ZNF385D: variants seen among roughly 807,000 people sequenced by gnomAD.
The protein encoded by ZNF385D is zinc finger protein 385D.
Under a neutral mutation model 35.8 loss-of-function variants are expected in ZNF385D, and 15 were observed. The observed-to-expected ratio is 0.42, with a 90% confidence interval of 0.28 to 0.64. ZNF385D has a LOEUF of 0.64. ZNF385D is among the 30% of genes least tolerant of loss of function. ZNF385D has a pLI of 0.23. For missense variants in ZNF385D, 474 were observed against 494.6 expected (o/e 0.96, Z 0.39); for synonymous variants, 212 against 186.8 (o/e 1.13, Z -1.10).
chr3:22,230,536 GC>G (rs1698824960), intron 2 of ZNF385D, among the ~76,000 whole-genome samples: 1 of 152,152 alleles, frequency 6.6e-6, no homozygotes, highest in Admixed American at 6.5e-5. Flanking sequence ...ATTCCAACTA[GC>G]CCCAGACTAT....
chr3:21,636,099 G>C (rs1389132426), intron 2 of ZNF385D, among the ~76,000 whole-genome samples: 2 of 151,948 alleles, frequency 1.3e-5, no homozygotes, highest in Admixed American at 6.6e-5. Flanking sequence ...GAATCAAATA[G>C]TAGTTCTACT....
At chr3:21,795,179 T>C (rs1404524663) in intron 3 of ZNF385D, among the ~76,000 whole-genome samples, 9 of 152,218 alleles carry the variant, frequency 5.9e-5, no homozygotes, top group Non-Finnish European at 1.3e-4. Flanking sequence ...ACAACAGTAT[T>C]TGCCTGCTCT....
chr3:21,535,289 T>G (rs955331903), intron 3 of ZNF385D, among the ~76,000 whole-genome samples: 15 of 152,134 alleles, frequency 9.9e-5, no homozygotes, highest in Non-Finnish European at 4.4e-5. Context: ...CAGCTAATGG[T>G]GCCCTTCTAG....
At chr3:22,068,368 G>A (rs1402152929) in intron 3 of ZNF385D, among the ~76,000 whole-genome samples, 1 of 152,062 alleles carries the variant, frequency 6.6e-6, no homozygotes, top group Non-Finnish European at 1.5e-5. Context: ...CCCTTCATGA[G>A]CATTAAAACC....
chr3:21,791,079 A>G (rs1295982486), intron 3 of ZNF385D, among the ~76,000 whole-genome samples: 3 of 152,228 alleles, frequency 2.0e-5, no homozygotes, highest in Non-Finnish European at 4.4e-5. Flanking sequence ...ACCAGAGGTT[A>G]TAGCTCTAAA....
intron 2 of ZNF385D, among the ~76,000 whole-genome samples, chr3:22,283,425 G>C (rs150433848): frequency 1.3e-5 from 2 of 152,018 alleles, no homozygotes; most frequent in East Asian, 3.9e-4. Context: ...TCTTAAATAG[G>C]AGCACAGCAC....
intron 3 of ZNF385D, among the ~76,000 whole-genome samples, chr3:22,078,357 A>T (rs1297923299): frequency 3.3e-5 from 5 of 152,068 alleles, no homozygotes; most frequent in Non-Finnish European, 7.4e-5. Context: ...GGTGATCATA[A>T]CAGATAATGT....
rs11916340 is a variant in ZNF385D at position 21,747,569 on chromosome 3, T to A, written c.22+3326A>T. On this transcript the variant is annotated intron_variant, in intron 1 of 7. Coordinates refer to ENST00000281523, the MANE Select transcript of ZNF385D (RefSeq NM_024697.3). ...ATGACCACTGGCAACGACTCACCTA[T>A]CCAGCAGTGGAGAAATGTGTCAGGC... is the stretch of plus-strand genomic sequence containing the variant. Among the ~76,000 whole-genome samples, 551 of 152,276 alleles carry A rather than the reference T, an allele frequency of 3.6e-3. 8 individuals carry two copies. Among genetic ancestry groups the A allele is most frequent in the African/African-American group, 0.011 (460 of 41,556 alleles).
intron 2 of ZNF385D, among the ~76,000 whole-genome samples, chr3:21,568,202 C>T (rs933701619): frequency 3.3e-5 from 5 of 152,060 alleles, no homozygotes; most frequent in South Asian, 2.1e-4. Context: ...ATCATTCACA[C>T]GTATATATCT....
intron 3 of ZNF385D, among the ~76,000 whole-genome samples, chr3:21,839,193 T>C (rs561497685): frequency 3.0e-4 from 46 of 152,112 alleles, no homozygotes; most frequent in Admixed American, 1.4e-3. Flanking sequence ...TTCTGAAAAC[T>C]AGTCACTTCC....
rs960722486 is a variant in ZNF385D at position 21,748,084 on chromosome 3, C to T, written c.22+2811G>A. ...ATAGAATAAGTAACAAAAGTGTCCA[C>T]GGTGACTGAACAGCAAACTCTGAAA... On this transcript the variant is annotated intron_variant, in intron 1 of 7. Coordinates refer to ENST00000281523, the MANE Select transcript of ZNF385D (RefSeq NM_024697.3). Among the ~76,000 whole-genome samples the T allele has an allele frequency of 7.9e-5, 12 of 152,248 alleles. No individual in the cohort carries two copies. The South Asian group carries it at 8.3e-4, about 11-fold the overall frequency.
At chr3:21,475,571 A>G (rs1420253462) in intron 4 of ZNF385D, among the ~76,000 whole-genome samples, 3 of 152,150 alleles carry the variant, frequency 2.0e-5, no homozygotes, top group African/African-American at 7.2e-5. Context: ...AAAAGAGCCA[A>G]GAGGAAAGAT....
intron 3 of ZNF385D, among the ~76,000 whole-genome samples, chr3:21,920,913 A>G (rs1026711123): frequency 6.6e-6 from 1 of 152,024 alleles, no homozygotes; most frequent in Non-Finnish European, 1.5e-5. Flanking sequence ...ATTTGAACTC[A>G]TTTAAGAAAA....
chr3:22,193,081 C>T (rs1696169096), intron 2 of ZNF385D, among the ~76,000 whole-genome samples: 3 of 152,146 alleles, frequency 2.0e-5, no homozygotes, highest in Admixed American at 2.0e-4. Flanking sequence ...TTATAACACT[C>T]TTCATTCAAA....
chr3:21,621,865 CTGTGTGTGTG>C (rs10580512), intron 2 of ZNF385D, among the ~76,000 whole-genome samples: 6 of 146,248 alleles, frequency 4.1e-5, no homozygotes, highest in South Asian at 4.4e-4. Flanking sequence ...CCTGTTACCA[CTGTGTGTGTG>C]TGTGTGTGTG....
chr3:21,741,952 A>G lies in ZNF385D; in HGVS notation c.22+8943T>C, dbSNP rs79564146. ...TAAGGTATATTGAAACCACAATACA[A>G]GAGGCTATTTGATGAAGTAACGAAA... On this transcript the variant is annotated intron_variant, in intron 1 of 7. Transcript: ENST00000281523. Among the ~76,000 whole-genome samples, 575 of 152,304 alleles carry G rather than the reference A, an allele frequency of 3.8e-3. 6 individuals carry two copies. Among genetic ancestry groups the G allele is most frequent in the African/African-American group, 0.013 (533 of 41,560 alleles).
chr3:22,169,155 C>A, intron 2 of ZNF385D: 1 of 276,462 alleles, frequency 3.6e-6, no homozygotes, highest in Non-Finnish European at 5.5e-6. Flanking sequence ...TTTCTATGTA[C>A]TCTCATTTTA....
chr3:21,775,997 T>G (rs34149773), intron 3 of ZNF385D, among the ~76,000 whole-genome samples: 67,614 of 151,512 alleles, frequency 0.45, 16,987 homozygotes, highest in Middle Eastern at 0.59. Context: ...TTTAATATAT[T>G]GTGATGTCCA....
intron 3 of ZNF385D, among the ~76,000 whole-genome samples, chr3:21,936,334 GC>G (rs1438253278): frequency 6.6e-6 from 1 of 151,804 alleles, no homozygotes; most frequent in African/African-American, 2.4e-5. Flanking sequence ...GCGTATTGAG[GC>G]TAAAAATTCT....
Sources: gnomAD v4.1 joint callset for allele counts (sites outside exome capture counted in the v4.1 genomes callset) on GRCh38, gnomAD v4.1.1 for gene constraint, MANE v1.5 for transcripts, NCBI Gene and HGNC (gene_info 2026-07-23, HGNC 2026-07-21) for gene names.